CDH13: variants seen among roughly 807,000 people sequenced by gnomAD.
The protein encoded by CDH13 is cadherin-13.
In CDH13, 24 loss-of-function variants were observed where a neutral mutation model predicts 63.8. That is an observed-to-expected ratio of 0.38 (90% CI 0.27 to 0.53). The LOEUF (loss-of-function observed/expected upper bound fraction) is 0.53. Ranked by LOEUF, CDH13 falls within the 20% of genes least tolerant of loss-of-function variation. The pLI is 0.85. For synonymous variants in CDH13, 503 were observed against 355.3 expected, an observed-to-expected ratio of 1.42 and a Z score of -4.67; for missense variants, 1,049 against 903.1, an observed-to-expected ratio of 1.16 and a Z score of -2.07.
At chr16:83,492,635 T>C (rs903129345) in intron 7 of CDH13, among the ~76,000 whole-genome samples, 6 of 152,230 alleles carry the variant, frequency 3.9e-5, no homozygotes, top group Non-Finnish European at 8.8e-5. Context: ...ACTTGCTCCG[T>C]TGTTTCAGCA....
chr16:83,299,478 C>A (rs1451725383), intron 5 of CDH13, among the ~76,000 whole-genome samples: 1 of 152,192 alleles, frequency 6.6e-6, no homozygotes, highest in East Asian at 1.9e-4. Context: ...CCCCAAGTCT[C>A]CATCACTCAT....
chr16:82,660,484 G>A (rs1242247899), intron 1 of CDH13, among the ~76,000 whole-genome samples: 1 of 152,166 alleles, frequency 6.6e-6, no homozygotes, highest in Non-Finnish European at 1.5e-5. Flanking sequence ...GTGAACGTCA[G>A]TCAATCCACA....
At chr16:83,076,406 C>G (rs956433893) in intron 3 of CDH13, among the ~76,000 whole-genome samples, 1 of 152,182 alleles carries the variant, frequency 6.6e-6, no homozygotes, top group Non-Finnish European at 1.5e-5. Flanking sequence ...ACTGGCAGGA[C>G]TGGTGTCTCC....
chr16:82,640,390 T>C (rs1456194688), intron 1 of CDH13, among the ~76,000 whole-genome samples: 1 of 152,196 alleles, frequency 6.6e-6, no homozygotes, highest in African/African-American at 2.4e-5. Flanking sequence ...CTGTTGGGAA[T>C]TTACGAATAT....
chr16:82,862,887 G>A (rs1481399889), intron 2 of CDH13, among the ~76,000 whole-genome samples: 1 of 152,278 alleles, frequency 6.6e-6, no homozygotes, highest in East Asian at 1.9e-4. Context: ...TTCCAACTTG[G>A]TCCTACCATC....
At chr16:83,515,656 C>T (rs188434152) in intron 7 of CDH13, among the ~76,000 whole-genome samples, 46 of 152,270 alleles carry the variant, frequency 3.0e-4, no homozygotes, top group African/African-American at 9.6e-4. Flanking sequence ...CTAGATGTCA[C>T]AACAGAGATG....
chr16:83,499,692 C>T (rs1349960734), intron 7 of CDH13, among the ~76,000 whole-genome samples: 2 of 152,238 alleles, frequency 1.3e-5, no homozygotes, highest in Non-Finnish European at 2.9e-5. Flanking sequence ...TGAATTAATA[C>T]AGCACATGCT....
intron 6 of CDH13, among the ~76,000 whole-genome samples, chr16:83,417,678 A>G (rs1267061148): frequency 1.3e-5 from 2 of 152,232 alleles, no homozygotes; most frequent in African/African-American, 2.4e-5. Context: ...AGCAACAGCC[A>G]GTGATTTAGA....
intron 6 of CDH13, among the ~76,000 whole-genome samples, chr16:83,369,160 G>T (rs149640809): frequency 6.6e-6 from 1 of 151,210 alleles, no homozygotes; most frequent in Non-Finnish European, 1.5e-5. Flanking sequence ...CACAGTGGTT[G>T]TACTTGTTTA....
At chr16:82,929,678 A>AAAAAAAAAAAAAAAAC (rs2042419809) in intron 2 of CDH13, among the ~76,000 whole-genome samples, 2 of 145,526 alleles carry the variant, frequency 1.4e-5, no homozygotes, top group African/African-American at 2.5e-5. Context: ...AAAAAAAAAA[A>AAAAAAAAAAAAAAAAC]AAAAAGAAGA....
chr16:83,512,274 T>C (rs924107030), intron 7 of CDH13, among the ~76,000 whole-genome samples: 4 of 149,610 alleles, frequency 2.7e-5, no homozygotes, highest in African/African-American at 9.9e-5. Flanking sequence ...TGAGCGGAGA[T>C]TGCACCACTG....
At chr16:83,651,782 G>C (rs890310036) in intron 8 of CDH13, among the ~76,000 whole-genome samples, 1 of 151,762 alleles carries the variant, frequency 6.6e-6, no homozygotes, top group African/African-American at 2.4e-5. Context: ...TTTTAGTAGA[G>C]ACAGGGTTTC....
chr16:82,685,435 C>A (rs1242613001), intron 1 of CDH13, among the ~76,000 whole-genome samples: 1 of 152,206 alleles, frequency 6.6e-6, no homozygotes, highest in Admixed American at 6.5e-5. Flanking sequence ...AAAGGCCCTG[C>A]CTCCTAACAC....
chr16:83,500,304 TTCTCC>T (rs1224122234), intron 7 of CDH13, among the ~76,000 whole-genome samples: 3 of 1,948 alleles, frequency 1.5e-3, no homozygotes, highest in African/African-American at 1.7e-3. Flanking sequence ...CTCCTTCTCC[TTCTCC>T]TTCTCCTTCT....
intron 2 of CDH13, among the ~76,000 whole-genome samples, chr16:83,017,201 C>T (rs1028062208): frequency 6.6e-6 from 1 of 152,036 alleles, no homozygotes; most frequent in Non-Finnish European, 1.5e-5. Flanking sequence ...TTTCCTTGAC[C>T]CTCTTCAGAG....
intron 1 of CDH13, among the ~76,000 whole-genome samples, chr16:82,832,238 C>A (rs112982095): frequency 2.9e-3 from 218 of 75,320 alleles, no homozygotes; most frequent in African/African-American, 9.9e-3. Flanking sequence ...TCTCATTAAA[C>A]CACTGTTTAA....
At chr16:83,284,043 C>A (rs2089248926) in intron 5 of CDH13, among the ~76,000 whole-genome samples, 1 of 152,214 alleles carries the variant, frequency 6.6e-6, no homozygotes, top group African/African-American at 2.4e-5. Flanking sequence ...TCTGTGAGAT[C>A]TGAAACCAAG....
chr16:83,066,231 A>T (rs563903723), intron 3 of CDH13, among the ~76,000 whole-genome samples: 1 of 152,340 alleles, frequency 6.6e-6, no homozygotes, highest in South Asian at 2.1e-4. Flanking sequence ...TCAACAAGTG[A>T]CTAAGCTCTA....
At chr16:82,945,717 T>C (rs564230424) in intron 2 of CDH13, among the ~76,000 whole-genome samples, 63 of 152,322 alleles carry the variant, frequency 4.1e-4, no homozygotes, top group Non-Finnish European at 7.4e-4. Flanking sequence ...ACTCTGCTCC[T>C]TCCATCTTGC....
Sources: gnomAD v4.1 joint callset for allele counts (sites outside exome capture counted in the v4.1 genomes callset) on GRCh38, gnomAD v4.1.1 for gene constraint, MANE v1.5 for transcripts, NCBI Gene and HGNC (gene_info 2026-07-23, HGNC 2026-07-21) for gene names.